Variants in PPP6R2 observed in about 807,000 individuals in gnomAD.
The protein encoded by PPP6R2 is serine/threonine-protein phosphatase 6 regulatory subunit 2.
PPP6R2 carries 62 observed loss-of-function variants against 100.2 expected under a neutral mutation model. The ratio of observed to expected loss-of-function variants is 0.62; its 90% CI spans 0.50 to 0.76. PPP6R2 has a LOEUF of 0.76. Ranked by LOEUF, PPP6R2 falls within the 30% of genes least tolerant of loss-of-function variation. The probability of loss-of-function intolerance (pLI) is 0.00; values close to 1 mark genes in which losing one functional copy is unlikely to be tolerated. For synonymous variants in PPP6R2, 525 were observed against 514.7 expected, an observed-to-expected ratio of 1.02 and a Z score of -0.27; for missense variants, 1,142 against 1,276.3, an observed-to-expected ratio of 0.89 and a Z score of 1.60.
At chr22:50,363,184 G>A (rs2048117180) in intron 1 of PPP6R2, among the ~76,000 whole-genome samples, 1 of 152,182 alleles carries the variant, frequency 6.6e-6, no homozygotes, top group Non-Finnish European at 1.5e-5. Flanking sequence ...TTGCTGGGGT[G>A]GGCCTGTCTC....
At position 50,443,987 on chromosome 22, in the gene PPP6R2, A is replaced by G; in HGVS notation, c.2701A>G (p.Lys901Glu). ...ATVAITTALS[K>E]AGPAIPTPAV... ...TGTGGCCATCACCACAGCACTGAGC[A>G]AGGCTGGCCCCGCCATACCCACCCC... Residue 901 changes from lysine (K) to glutamate (E), a missense_variant, in exon 23 of 24, where the codon AAG (lysine) becomes GAG (glutamate). Around this residue, in one of 2 missense-constraint regions of PPP6R2, gnomAD observed 550 missense variants for 517.4 expected, o/e 1.06. Transcript: ENST00000612753. 1.2e-6 allele frequency: 2 copies of G among 1,612,748 alleles called. No individual in the cohort carries two copies. The highest frequency in any genetic ancestry group is 1.7e-6 in the Non-Finnish European group (2 of 1,179,832).
chr22:50,337,311 C>T, the PPP6R2 span, among the ~76,000 whole-genome samples: 31 of 94,418 alleles, frequency 3.3e-4, no homozygotes, highest in Admixed American at 6.4e-4. Flanking sequence ...TGTGTGTGTG[C>T]GCCTGCATGT....
At chr22:50,392,044 A>C (rs1199781188) in intron 2 of PPP6R2, 1 of 151,880 alleles carries the variant, frequency 6.6e-6, no homozygotes, top group East Asian at 1.9e-4. Flanking sequence ...AGTGCATTTC[A>C]GAGAGAGGAG....
Position 50,368,182 on chromosome 22 carries a change from C to G in PPP6R2, c.-147-3838C>G, listed in dbSNP as rs141506041. Among the ~76,000 whole-genome samples the G allele has an allele frequency of 1.8e-3, 273 of 152,354 alleles. 1 individual carries two copies. Among genetic ancestry groups the G allele is most frequent in the African/African-American group, 6.2e-3 (259 of 41,584 alleles). On this transcript the variant is annotated intron_variant, in intron 1 of 23. Coordinates refer to ENST00000612753, the MANE Select transcript of PPP6R2 (RefSeq NM_001242898.2). The stretch of plus-strand genomic sequence containing the variant: ...TGGACCAGGAGCGTGACCGCTGAAG[C>G]ACAGCATCACAGAGACGTTTACGCC...
chr22:50,435,934 A>G (rs2064140832), intron 13 of PPP6R2, among the ~76,000 whole-genome samples: 1 of 152,194 alleles, frequency 6.6e-6, no homozygotes, highest in Admixed American at 6.5e-5. Context: ...CCGGAAAAAC[A>G]GGCAGGACAC....
chr22:50,342,197 C>T (rs1262417559), upstream of PPP6R2, among the ~76,000 whole-genome samples: 1 of 152,208 alleles, frequency 6.6e-6, no homozygotes, highest in Non-Finnish European at 1.5e-5. Context: ...ATGGTGAGGG[C>T]AGGAGAAGGG....
At position 50,423,279 on chromosome 22, in the gene PPP6R2, G is replaced by A. The variant is rs769293853; in HGVS notation, c.973-183G>A. 1.2e-4 allele frequency among the ~76,000 whole-genome samples: 19 copies of A among 152,094 alleles called. No individual in the cohort carries two copies. Among genetic ancestry groups the A allele is most frequent in the Non-Finnish European group, 2.4e-4 (16 of 67,998 alleles). On this transcript the variant is annotated intron_variant, in intron 9 of 23. Coordinates refer to ENST00000612753, the MANE Select transcript of PPP6R2 (RefSeq NM_001242898.2). This position sits in a 1 kb window ranked among gnomAD's most constrained non-coding sequence, Gnocchi z 4.8. Reference sequence around the variant, plus strand: ...TCTGAAGCCCTGAGGGGAGCAGCAGGCTCTTCACCCCATTGATGCCTTCAT... The same window carrying A: ...TCTGAAGCCCTGAGGGGAGCAGCAGACTCTTCACCCCATTGATGCCTTCAT...
intron 4 of PPP6R2, 36 bp from the exon 5 acceptor site, chr22:50,414,516 C>A: frequency 6.2e-7 from 1 of 1,606,574 alleles, no homozygotes; most frequent in South Asian, 1.1e-5. Context: ...TTGTCAGGGT[C>A]GGCCCCGCCT....
intron 1 of PPP6R2, among the ~76,000 whole-genome samples, chr22:50,347,557 C>T (rs995767419): frequency 1.3e-5 from 2 of 152,014 alleles, no homozygotes; most frequent in African/African-American, 2.4e-5. Context: ...TCTGTGTACT[C>T]GCAGCTTCCC....
chr22:50,423,775 G>A lies in PPP6R2; in HGVS notation c.1125+161G>A, dbSNP rs1353131903. Among the ~76,000 whole-genome samples, 3 of 152,180 alleles carry A rather than the reference G, an allele frequency of 2.0e-5. No individual in the cohort carries two copies. Among genetic ancestry groups the A allele is most frequent in the Non-Finnish European group, 4.4e-5 (3 of 68,026 alleles). On this transcript the variant is annotated intron_variant, in intron 10 of 23. Transcript: ENST00000612753. The surrounding 1 kb of genome is among the most constrained non-coding windows in gnomAD (Gnocchi z 4.8). ...CAAGGCTGGACTACAGGTCTCTGGC[G>A]GGGCACAGAGCAGCAGTGGGGTGTG...
chr22:50,435,206 G>A (rs907035865), intron 13 of PPP6R2, 125 bp downstream of exon 13: 9 of 689,226 alleles, frequency 1.3e-5, no homozygotes, highest in African/African-American at 1.3e-4. Flanking sequence ...GAGACCCATG[G>A]CCACCTCTGT....
At chr22:50,429,058 T>G (rs1446661491) in intron 10 of PPP6R2, among the ~76,000 whole-genome samples, 2 of 152,066 alleles carry the variant, frequency 1.3e-5, no homozygotes, top group African/African-American at 4.8e-5. Context: ...GAGACAGAGT[T>G]TTGCTCTTGT....
the PPP6R2 span, among the ~76,000 whole-genome samples, chr22:50,336,809 C>G: frequency 6.7e-6 from 1 of 148,758 alleles, no homozygotes; most frequent in African/African-American, 2.5e-5. Flanking sequence ...AGGGCTCAGG[C>G]AATCTTCCCA....
intron 2 of PPP6R2, among the ~76,000 whole-genome samples, chr22:50,378,964 G>A (rs2052284909): frequency 6.6e-6 from 1 of 151,880 alleles, no homozygotes; most frequent in East Asian, 1.9e-4. Flanking sequence ...TTAGTGCCTT[G>A]TAGAAGGGCT....
intron 5 of PPP6R2, 88 bp from the exon 6 acceptor site, chr22:50,416,004 G>A (rs775296502): frequency 1.5e-5 from 18 of 1,171,668 alleles, no homozygotes; most frequent in Admixed American, 5.3e-5. Flanking sequence ...TCTAGAAAAC[G>A]GGTGCAGTGC....
At chr22:50,361,106 C>T (rs2047698749) in intron 1 of PPP6R2, among the ~76,000 whole-genome samples, 1 of 152,194 alleles carries the variant, frequency 6.6e-6, no homozygotes, top group Admixed American at 6.5e-5. Flanking sequence ...CTGCTCTGAC[C>T]CTTTCTCAGC....
chr22:50,365,199 G>C (rs562852654), intron 1 of PPP6R2, among the ~76,000 whole-genome samples: 1 of 151,306 alleles, frequency 6.6e-6, no homozygotes, highest in Non-Finnish European at 1.5e-5. Context: ...AGCGTCCCAA[G>C]TAGCTGGGAT....
chr22:50,424,231 C>T (rs1191673918), intron 10 of PPP6R2, among the ~76,000 whole-genome samples: 1 of 152,146 alleles, frequency 6.6e-6, no homozygotes, highest in Non-Finnish European at 1.5e-5. Flanking sequence ...CAGACGCAGC[C>T]CCCGTCTTCT....
chr22:50,335,458 G>T, the PPP6R2 span, among the ~76,000 whole-genome samples: 1 of 151,732 alleles, frequency 6.6e-6, no homozygotes, highest in African/African-American at 2.4e-5. Flanking sequence ...GCCTCCCAAA[G>T]TGCTGGGATT....
Sources: gnomAD v4.1 joint callset for allele counts (sites outside exome capture counted in the v4.1 genomes callset) on GRCh38, gnomAD v4.1.1 for gene constraint, gnomAD v4.1.1 regional missense constraint, Gnocchi (gnomAD v3.1) non-coding constraint, MANE v1.5 for transcripts, NCBI Gene and HGNC (gene_info 2026-07-23, HGNC 2026-07-21) for gene names.